CEP112: variants seen among roughly 807,000 people sequenced by gnomAD.
CEP112 encodes centrosomal protein 112.
In CEP112, 127 loss-of-function variants were observed where a neutral mutation model predicts 153.0. The ratio of observed to expected loss-of-function variants is 0.83; its 90% CI spans 0.72 to 0.96. CEP112 has a LOEUF of 0.96. Ranked by LOEUF, CEP112 falls within the 40% of genes least tolerant of loss-of-function variation. The pLI is 0.00. For synonymous variants in CEP112, 358 were observed against 374.4 expected, an observed-to-expected ratio of 0.96 and a Z score of 0.51; for missense variants, 1,089 against 1,101.2, an observed-to-expected ratio of 0.99 and a Z score of 0.16.
At chr17:65,914,791 C>T (rs986231192) in intron 19 of CEP112, among the ~76,000 whole-genome samples, 6 of 152,202 alleles carry the variant, frequency 3.9e-5, no homozygotes, top group African/African-American at 1.4e-4. Context: ...TGACCACACA[C>T]GTCCCTCTAG....
intron 16 of CEP112, 127 bp from the exon 17 acceptor site, chr17:66,005,896 G>T (rs2064252791): frequency 1.2e-6 from 1 of 801,052 alleles, no homozygotes; most frequent in Middle Eastern, 3.4e-4. Flanking sequence ...GATATTTCAA[G>T]ATAGAAACTT....
chr17:65,990,577 G>A (rs1260661371), intron 17 of CEP112, among the ~76,000 whole-genome samples: 1 of 152,236 alleles, frequency 6.6e-6, no homozygotes, highest in Non-Finnish European at 1.5e-5. Context: ...TGCAGAGAGG[G>A]CACCTGGACT....
intron 6 of CEP112, among the ~76,000 whole-genome samples, chr17:66,116,015 T>C (rs1032815732): frequency 3.3e-5 from 5 of 152,158 alleles, no homozygotes; most frequent in Admixed American, 2.0e-4. Flanking sequence ...CTGAGTACAA[T>C]GGCCAGGTTT....
chr17:66,048,306 T>C (rs1476083876), intron 12 of CEP112, among the ~76,000 whole-genome samples: 1 of 152,118 alleles, frequency 6.6e-6, no homozygotes, highest in East Asian at 1.9e-4. Flanking sequence ...GTATAATCAT[T>C]GCAGAGCCAG....
At chr17:65,971,244 G>A (rs2062774388) in intron 17 of CEP112, among the ~76,000 whole-genome samples, 1 of 152,050 alleles carries the variant, frequency 6.6e-6, no homozygotes, top group African/African-American at 2.4e-5. Flanking sequence ...TGCAAAACAT[G>A]CACATCAAAT....
At chr17:66,099,827 A>G (rs1420511143) in intron 6 of CEP112, among the ~76,000 whole-genome samples, 1 of 152,200 alleles carries the variant, frequency 6.6e-6, no homozygotes. Context: ...AAACAGTAAT[A>G]CAGGCTTCCT....
chr17:65,944,547 T>C (rs2061593960), intron 18 of CEP112, among the ~76,000 whole-genome samples: 1 of 152,182 alleles, frequency 6.6e-6, no homozygotes, highest in African/African-American at 2.4e-5. Context: ...CACTAACATT[T>C]TGGAAACACA....
rs555560141 is a variant in CEP112 at position 65,856,989 on chromosome 17, C to T, written c.2164-4955G>A. ...TATTGTGTGTTTGGTTCCCGACCACCTCAATAAAGCAAATATTGCAATGAA... is the reference window on the plus strand; with the variant it reads ...TATTGTGTGTTTGGTTCCCGACCACTTCAATAAAGCAAATATTGCAATGAA... On this transcript the variant is annotated intron_variant, in intron 20 of 26. Transcript: ENST00000535342. Among the ~76,000 whole-genome samples, 27 of 152,264 alleles carry T rather than the reference C, an allele frequency of 1.8e-4. No homozygotes were observed. The South Asian group carries it at 4.1e-3, about 23-fold the overall frequency.
chr17:65,648,458 C>T (rs746539230), intron 24 of CEP112, among the ~76,000 whole-genome samples: 21 of 152,300 alleles, frequency 1.4e-4, no homozygotes, highest in Admixed American at 2.6e-4. Flanking sequence ...CTCCAAGGCA[C>T]GGCACTGACA....
At chr17:65,762,971 T>C (rs994989306) in intron 21 of CEP112, among the ~76,000 whole-genome samples, 10 of 152,082 alleles carry the variant, frequency 6.6e-5, no homozygotes, top group African/African-American at 2.4e-4. Context: ...AACTTCTTTT[T>C]AACATTTCTT....
chr17:65,796,441 C>T (rs886604192), intron 21 of CEP112, among the ~76,000 whole-genome samples: 13 of 152,098 alleles, frequency 8.5e-5, no homozygotes, highest in African/African-American at 2.9e-4. Flanking sequence ...CTTTTGTACT[C>T]ATTGATCATT....
chr17:65,774,296 C>T (rs2053554629), intron 21 of CEP112, among the ~76,000 whole-genome samples: 1 of 152,110 alleles, frequency 6.6e-6, no homozygotes, highest in South Asian at 2.1e-4. Flanking sequence ...CTATTTCTTA[C>T]CCTGCCTTCT....
At chr17:65,835,193 T>TTA (rs2057253093) in intron 21 of CEP112, among the ~76,000 whole-genome samples, 1 of 130,862 alleles carries the variant, frequency 7.6e-6, no homozygotes, top group African/African-American at 3.0e-5. Context: ...AAAATAAAAG[T>TTA]AAAAAAAAAA....
intron 24 of CEP112, among the ~76,000 whole-genome samples, chr17:65,674,136 G>T (rs777366970): frequency 6.6e-6 from 1 of 152,194 alleles, no homozygotes; most frequent in Non-Finnish European, 1.5e-5. Flanking sequence ...CTCCCAAAGT[G>T]CTGGGATTAC....
chr17:65,884,967 C>T (rs2059224474), intron 20 of CEP112, among the ~76,000 whole-genome samples: 2 of 151,998 alleles, frequency 1.3e-5, no homozygotes, highest in Admixed American at 1.3e-4. Flanking sequence ...CCACCCTCCT[C>T]GGCCTCCCAA....
intron 12 of CEP112, among the ~76,000 whole-genome samples, chr17:66,046,293 C>T (rs572367112): frequency 5.8e-4 from 89 of 152,236 alleles, no homozygotes; most frequent in Admixed American, 1.5e-3. Context: ...CTGCCCGCCT[C>T]GGCCTCCCAA....
chr17:66,141,952 C>T (rs2070719802), intron 4 of CEP112, among the ~76,000 whole-genome samples: 1 of 152,088 alleles, frequency 6.6e-6, no homozygotes, highest in African/African-American at 2.4e-5. Context: ...TGAGGAACTT[C>T]CACACTGTTT....
chr17:66,185,089 AAC>A (rs1245804285), intron 1 of CEP112, among the ~76,000 whole-genome samples: 1 of 152,224 alleles, frequency 6.6e-6, no homozygotes. Flanking sequence ...GCAGAGTCTC[AAC>A]ACAAAGGGAT....
Position 66,031,533 on chromosome 17 carries a change from A to G in CEP112, c.1219-1510T>C, listed in dbSNP as rs2065485097. ...GGGTCTCATAGCGCAATCTTGGCTT[A>G]CTACAGCCTCAACCTCCCAGGCTCA... On this transcript the variant is annotated intron_variant, in intron 12 of 26. Transcript: ENST00000535342. 3.0e-5 allele frequency among the ~76,000 whole-genome samples: 4 copies of G among 133,476 alleles called. No homozygotes were observed. The South Asian group carries it at 9.2e-4, about 31-fold the overall frequency. The allele number at this position is 133,476 out of a possible 152,430, so 87.6% of individuals were successfully genotyped here.
Sources: gnomAD v4.1 joint callset for allele counts (sites outside exome capture counted in the v4.1 genomes callset) on GRCh38, gnomAD v4.1.1 for gene constraint, MANE v1.5 for transcripts, NCBI Gene and HGNC (gene_info 2026-07-23, HGNC 2026-07-21) for gene names.